PHACTR3: variants seen among roughly 807,000 people sequenced by gnomAD.
PHACTR3 encodes protein phosphatase 1, regulatory subunit 123.
Under a neutral mutation model 66.8 loss-of-function variants are expected in PHACTR3, and 16 were observed. The ratio of observed to expected loss-of-function variants is 0.24; its 90% CI spans 0.16 to 0.36. PHACTR3 has a LOEUF of 0.36. PHACTR3 is among the 10% of genes least tolerant of loss of function. The pLI, the probability that PHACTR3 is intolerant of heterozygous loss-of-function variation, is 1.00. For synonymous variants in PHACTR3, 323 were observed against 292.1 expected, an observed-to-expected ratio of 1.11 and a Z score of -1.08; for missense variants, 647 against 719.9, an observed-to-expected ratio of 0.90 and a Z score of 1.16.
intron 7 of PHACTR3, among the ~76,000 whole-genome samples, chr20:59,777,510 G>T (rs2040581231): frequency 6.6e-6 from 1 of 152,146 alleles, no homozygotes. Context: ...GTGAAGCTTG[G>T]ACTTGGCCCT....
intron 7 of PHACTR3, among the ~76,000 whole-genome samples, chr20:59,788,421 C>G (rs1035120881): frequency 6.6e-6 from 1 of 152,064 alleles, no homozygotes; most frequent in Non-Finnish European, 1.5e-5. Flanking sequence ...CCCTCCTCCC[C>G]CATTGTTGGC....
chr20:59,824,492 A>G (rs1266826999), intron 8 of PHACTR3, among the ~76,000 whole-genome samples: 1 of 152,214 alleles, frequency 6.6e-6, no homozygotes, highest in Non-Finnish European at 1.5e-5. Flanking sequence ...AGCCTTCCAC[A>G]TAAGGGCTAA....
At position 59,738,566 on chromosome 20, in the gene PHACTR3, T is replaced by C. The variant is rs1411355012; in HGVS notation, c.119-4541T>C. On this transcript the variant is annotated intron_variant, in intron 1 of 12. Coordinates refer to ENST00000371015, the MANE Select transcript of PHACTR3 (RefSeq NM_080672.5). This position sits in a 1 kb window ranked among gnomAD's most constrained non-coding sequence, Gnocchi z 4.4. ...AGGGTCTGATCTGTAGTTTATTCTG[T>C]GTGCTACTCCGTTTTGCCTTGGCTG... Among the ~76,000 whole-genome samples the C allele has an allele frequency of 6.6e-6, 1 of 152,100 alleles. No individual in the cohort carries two copies. The highest frequency in any genetic ancestry group is 2.4e-5 in the African/African-American group (1 of 41,440).
chr20:59,703,449 C>A (rs1378699679), intron 1 of PHACTR3, among the ~76,000 whole-genome samples: 2 of 152,146 alleles, frequency 1.3e-5, no homozygotes. Context: ...AATGCACAAC[C>A]AGCCCAGGGG....
At chr20:59,831,529 G>T (rs578162555) in intron 8 of PHACTR3, among the ~76,000 whole-genome samples, 1 of 152,208 alleles carries the variant, frequency 6.6e-6, no homozygotes, top group Admixed American at 6.5e-5. Context: ...GCACCAGGAC[G>T]TCACCAGCAG....
At chr20:59,597,065 C>G (rs1001849999) in intron 1 of PHACTR3, among the ~76,000 whole-genome samples, 2 of 152,196 alleles carry the variant, frequency 1.3e-5, no homozygotes, top group African/African-American at 4.8e-5. Flanking sequence ...GCTTTGTAAG[C>G]CGGGGTTGCT....
At chr20:59,610,113 G>A (rs1306075279) in intron 1 of PHACTR3, among the ~76,000 whole-genome samples, 1 of 152,160 alleles carries the variant, frequency 6.6e-6, no homozygotes, top group African/African-American at 2.4e-5. Flanking sequence ...AAGTTAGCTG[G>A]TTGTGATGGT....
At chr20:59,698,334 G>A (rs2037375225) in intron 1 of PHACTR3, among the ~76,000 whole-genome samples, 1 of 152,054 alleles carries the variant, frequency 6.6e-6, no homozygotes, top group Non-Finnish European at 1.5e-5. Flanking sequence ...GACAAAGACA[G>A]AGACAGCAAG....
chr20:59,749,115 G>A (rs114781248), intron 3 of PHACTR3, among the ~76,000 whole-genome samples: 2,731 of 152,252 alleles, frequency 0.018, 74 homozygotes, highest in African/African-American at 0.063. Flanking sequence ...GGTTAACGCC[G>A]TCGTGACGCT....
At chr20:59,582,756 G>A (rs1181245516) in intron 1 of PHACTR3, among the ~76,000 whole-genome samples, 1 of 152,098 alleles carries the variant, frequency 6.6e-6, no homozygotes, top group Non-Finnish European at 1.5e-5. Flanking sequence ...CTTTTTCCAG[G>A]GGGGTCGTTC....
intron 4 of PHACTR3, 70 bp from the exon 5 acceptor site, chr20:59,767,116 C>G (rs530273283): frequency 6.6e-7 from 1 of 1,523,026 alleles, no homozygotes; most frequent in East Asian, 2.3e-5. Context: ...AACCCTCTTG[C>G]TTTGCTCTCT....
intron 1 of PHACTR3, among the ~76,000 whole-genome samples, chr20:59,674,011 T>C (rs1471165082): frequency 1.3e-5 from 2 of 152,156 alleles, no homozygotes; most frequent in South Asian, 4.1e-4. Context: ...TCTCCAGACC[T>C]GCCTGCCCGA....
In PHACTR3 at chr20:59,623,336, A is replaced by G. The variant is rs1031174136; in HGVS notation, c.118+18204A>G. Among the ~76,000 whole-genome samples the G allele has an allele frequency of 3.3e-5, 5 of 152,180 alleles. No homozygotes were observed. The East Asian group carries it at 9.7e-4, about 29-fold the overall frequency. On this transcript the variant is annotated intron_variant, in intron 1 of 12. Transcript: ENST00000371015. Reference sequence around the variant, plus strand: ...CAGTTTCCTCATCTATAAAATGGGAACTATAGTATTGTACGCACCATGCAG... The same window carrying G: ...CAGTTTCCTCATCTATAAAATGGGAGCTATAGTATTGTACGCACCATGCAG...
chr20:59,845,721 A>G (rs919134477), intron 12 of PHACTR3, among the ~76,000 whole-genome samples: 70 of 152,244 alleles, frequency 4.6e-4, no homozygotes, highest in African/African-American at 1.6e-3. Context: ...AAAGCTGAGT[A>G]TTTGTTTCCT....
chr20:59,672,333 G>A (rs531058039), intron 1 of PHACTR3, among the ~76,000 whole-genome samples: 42 of 152,328 alleles, frequency 2.8e-4, no homozygotes, highest in African/African-American at 7.7e-4. Flanking sequence ...CTGCCTCCTC[G>A]AACCTCAGTT....
intron 7 of PHACTR3, among the ~76,000 whole-genome samples, chr20:59,787,546 A>T (rs1254624524): frequency 6.6e-6 from 1 of 152,192 alleles, no homozygotes; most frequent in Non-Finnish European, 1.5e-5. Context: ...TGCACAAGAG[A>T]TATAGGGACA....
intron 4 of PHACTR3, among the ~76,000 whole-genome samples, chr20:59,759,403 A>G (rs1032192260): frequency 9.9e-5 from 15 of 152,194 alleles, no homozygotes; most frequent in African/African-American, 3.4e-4. Flanking sequence ...CCAGATGTGC[A>G]GTTTCTTTTC....
At chr20:59,635,194 C>CTTTCTCTT (rs33980731) in intron 1 of PHACTR3, among the ~76,000 whole-genome samples, 1 of 54,964 alleles carries the variant, frequency 1.8e-5, no homozygotes, top group Non-Finnish European at 3.4e-5. Context: ...TTCTTTCTTT[C>CTTTCTCTT]TCTTTCTTTC....
At chr20:59,622,745 C>T (rs920968085) in intron 1 of PHACTR3, among the ~76,000 whole-genome samples, 2 of 151,898 alleles carry the variant, frequency 1.3e-5, no homozygotes, top group African/African-American at 2.4e-5. Flanking sequence ...GAGCCGGGCA[C>T]CAGCTCCCAT....
Sources: gnomAD v4.1 joint callset for allele counts (sites outside exome capture counted in the v4.1 genomes callset) on GRCh38, gnomAD v4.1.1 for gene constraint, Gnocchi (gnomAD v3.1) non-coding constraint, MANE v1.5 for transcripts, NCBI Gene and HGNC (gene_info 2026-07-23, HGNC 2026-07-21) for gene names.